The following USP33 variants were observed in gnomAD, a reference collection of about 807,000 sequenced individuals.
USP33 encodes ubiquitin specific peptidase 33, also known as ubiquitin carboxyl-terminal hydrolase 33.
A neutral mutation model predicts 124.2 loss-of-function variants in USP33; 46 were observed. The observed-to-expected ratio is 0.37, with a 90% CI of 0.29 to 0.47. The LOEUF is 0.47. Ranked by LOEUF, USP33 falls within the 20% of genes least tolerant of loss-of-function variation. USP33 has a pLI of 0.99. For missense variants in USP33, 851 were observed against 1,070.6 expected, an observed-to-expected ratio of 0.79 and a Z score of 2.86; for synonymous variants, 350 against 352.3, an observed-to-expected ratio of 0.99 and a Z score of 0.07.
rs1296222934 is a variant in USP33 at position 77,713,255 on chromosome 1, T to C, written c.2242A>G (p.Ile748Val). The change falls in exon 20 of 24, where the codon ATT becomes GTT. Residue 748 changes from isoleucine (I) to valine (V), a missense_variant. By Grantham distance (29) the Ile-to-Val change is conservative. Coordinates refer to ENST00000370794, the MANE Select transcript of USP33 (RefSeq NM_201624.3). ...GGVPPRKAGY[I>V]EDLVLMLPQN... Reference sequence around the variant, plus strand: ...GGCAGCATCAAAACCAGGTCTTCAATATAACCAGCTTTTCTTGGAGGAACA... The same window carrying C: ...GGCAGCATCAAAACCAGGTCTTCAACATAACCAGCTTTTCTTGGAGGAACA... The C allele has an allele frequency of 1.3e-6, 2 of 1,574,320 alleles. No homozygotes were observed. The highest frequency in any genetic ancestry group is 1.7e-6 in the Non-Finnish European group (2 of 1,168,584).
At chr1:77,724,053 C>A (rs1436503407) in intron 11 of USP33, among the ~76,000 whole-genome samples, 2 of 151,892 alleles carry the variant, frequency 1.3e-5, no homozygotes, top group East Asian at 3.9e-4. Context: ...CACAAAACCA[C>A]AAATGCTTCA....
In USP33 at chr1:77,713,300, A is replaced by G. The variant is rs200000638; in HGVS notation, c.2216-19T>C. The G allele has an allele frequency of 1.6e-5, 25 of 1,557,734 alleles. No homozygotes were observed. Among genetic ancestry groups the G allele is most frequent in the African/African-American group, 2.8e-5 (2 of 70,454 alleles). On this transcript the variant is annotated intron_variant, in intron 19 of 23. Transcript: ENST00000370794. Reference sequence around the variant, plus strand: ...GGAACACCTAAAAAAATATATAAACATATCTGTTTCATGCTTTTAATTATA... The same window carrying G: ...GGAACACCTAAAAAAATATATAAACGTATCTGTTTCATGCTTTTAATTATA...
chr1:77,697,982 T>C (rs769646829), intron 22 of USP33, 51 bp from the exon 23 acceptor site: 1 of 1,507,046 alleles, frequency 6.6e-7, no homozygotes, highest in Non-Finnish European at 9.1e-7. Context: ...TAACAAAAAA[T>C]TGCATAATTT....
chr1:77,704,937 C>T (rs1190509483), intron 21 of USP33, among the ~76,000 whole-genome samples: 2 of 152,128 alleles, frequency 1.3e-5, no homozygotes, highest in East Asian at 1.9e-4. Context: ...GGTCATCATC[C>T]GTATCTGTCA....
At chr1:77,698,705 T>C (rs1673683173) in intron 22 of USP33, among the ~76,000 whole-genome samples, 1 of 151,608 alleles carries the variant, frequency 6.6e-6, no homozygotes, top group African/African-American at 2.4e-5. Context: ...TTTCACCGTG[T>C]TAGCCAGGAT....
At chr1:77,731,409 T>C (rs748263201) in intron 7 of USP33, among the ~76,000 whole-genome samples, 1 of 152,208 alleles carries the variant, frequency 6.6e-6, no homozygotes, top group Non-Finnish European at 1.5e-5. Flanking sequence ...TTGATTAGCT[T>C]GAGGGAATCT....
chr1:77,707,588 T>C lies in USP33; in HGVS notation c.2406+4159A>G, dbSNP rs981331478. On this transcript the variant is annotated intron_variant, in intron 21 of 23. Coordinates refer to ENST00000370794, the MANE Select transcript of USP33 (RefSeq NM_201624.3). Reference sequence around the variant, plus strand: ...TTGGGAACCACCATTCAACCCACTATAGGCACCATTTAGTATTTCCATACT... The same window carrying C: ...TTGGGAACCACCATTCAACCCACTACAGGCACCATTTAGTATTTCCATACT... Among the ~76,000 whole-genome samples the C allele has an allele frequency of 4.6e-5, 7 of 152,288 alleles. No individual in the cohort carries two copies. The South Asian group carries it at 6.2e-4, about 14-fold the overall frequency.
In USP33 at chr1:77,759,796, G is replaced by T. The variant is rs367548684; in HGVS notation, c.-205C>A. ...GGCCCCGCAGCGCTGCCCTCGGGGG[G>T]TCCGCCTCCTGAACTGGCCACTTCC... is the stretch of plus-strand genomic sequence containing the variant. On this transcript the variant is annotated 5_prime_UTR_variant, in exon 1 of 24. Coordinates refer to ENST00000370794, the MANE Select transcript of USP33 (RefSeq NM_201624.3). 32 of 397,582 alleles carry T rather than the reference G, an allele frequency of 8.0e-5. No individual in the cohort carries two copies. Among genetic ancestry groups the T allele is most frequent in the African/African-American group, 1.0e-4 (5 of 48,596 alleles). 24.6% of individuals were successfully genotyped at this position (397,582 alleles called of 1,614,324 possible). A position where few individuals can be genotyped will look rare whatever the true frequency, so the allele number is the denominator to read the frequency against.
chr1:77,733,330 C>G (rs1678059431), intron 7 of USP33, among the ~76,000 whole-genome samples: 1 of 151,406 alleles, frequency 6.6e-6, no homozygotes, highest in Non-Finnish European at 1.5e-5. Flanking sequence ...GGAGGCAGAG[C>G]TGCAGTGAGC....
intron 15 of USP33, among the ~76,000 whole-genome samples, chr1:77,720,150 G>A (rs866655945): frequency 1.1e-5 from 1 of 89,578 alleles, no homozygotes; most frequent in South Asian, 4.0e-4. Flanking sequence ...GACAGAATGA[G>A]ACTATGTCTC....
At position 77,728,718 on chromosome 1, in the gene USP33, A is replaced by G. The variant is rs1677444232; in HGVS notation, c.718-6T>C. 4 of 1,609,124 alleles carry G rather than the reference A, an allele frequency of 2.5e-6. No homozygotes were observed. The highest frequency in any genetic ancestry group is 1.1e-5 in the South Asian group (1 of 90,326). ...CGAAGGAATTCTTGAGCATCCTAATATATCAGCAACATAATGTTAACCACT... is the reference window on the plus strand; with the variant it reads ...CGAAGGAATTCTTGAGCATCCTAATGTATCAGCAACATAATGTTAACCACT... On this transcript the variant is annotated splice_region_variant and splice_polypyrimidine_tract_variant and intron_variant, in intron 9 of 23. Transcript: ENST00000370794.
intron 1 of USP33, among the ~76,000 whole-genome samples, chr1:77,757,572 C>G (rs1242454683): frequency 6.6e-6 from 1 of 152,218 alleles, no homozygotes; most frequent in Non-Finnish European, 1.5e-5. Flanking sequence ...CTAAATAGAG[C>G]TGTTACTTAT....
Position 77,701,978 on chromosome 1 carries a change from A to C in USP33, c.2407-507T>G, listed in dbSNP as rs1253413635. On this transcript the variant is annotated intron_variant, in intron 21 of 23. Coordinates refer to ENST00000370794, the MANE Select transcript of USP33 (RefSeq NM_201624.3). ...CCACCACACTCGGCCTACACACACA[A>C]AAAATTTTTTTAATTAGCTGTGTGA... Among the ~76,000 whole-genome samples the C allele has an allele frequency of 2.6e-5, 4 of 151,736 alleles. No individual in the cohort carries two copies. In the East Asian group the frequency reaches 5.8e-4, roughly 22 times the overall value.
At chr1:77,716,386 A>C (rs1675905773) in intron 17 of USP33, among the ~76,000 whole-genome samples, 1 of 152,152 alleles carries the variant, frequency 6.6e-6, no homozygotes, top group South Asian at 2.1e-4. Context: ...ACCCTGACCC[A>C]ATGACGGATG....
At chr1:77,704,965 C>T (rs1674451404) in intron 21 of USP33, among the ~76,000 whole-genome samples, 1 of 152,056 alleles carries the variant, frequency 6.6e-6, no homozygotes, top group Non-Finnish European at 1.5e-5. Flanking sequence ...AATTAAAGCC[C>T]ACACAGTCAT....
At position 77,736,091 on chromosome 1, in the gene USP33, A is replaced by G; in HGVS notation, c.419T>C (p.Ile140Thr). Residue 140 changes from isoleucine (I) to threonine (T), a missense_variant, in exon 6 of 24, where the codon ATA becomes ACA. This residue lies in a region of USP33 where 221 missense variants were observed against 302.9 expected (regional missense o/e 0.73). Coordinates refer to ENST00000370794, the MANE Select transcript of USP33 (RefSeq NM_201624.3). ...PLVAVFDDLD[I>T]EADEEDELRA... Reference sequence around the variant, plus strand: ...AAGTTCATCTTCTTCATCCGCTTCTATATCCAGATCATCAAATACGGCAAC... The same window carrying G: ...AAGTTCATCTTCTTCATCCGCTTCTGTATCCAGATCATCAAATACGGCAAC... 2 of 1,613,232 alleles carry G rather than the reference A, an allele frequency of 1.2e-6. No homozygotes were observed. The highest frequency in any genetic ancestry group is 1.7e-6 in the Non-Finnish European group (2 of 1,179,574).
intron 10 of USP33, among the ~76,000 whole-genome samples, chr1:77,727,496 T>C (rs1352280041): frequency 2.0e-5 from 3 of 152,226 alleles, no homozygotes; most frequent in Non-Finnish European, 4.4e-5. Context: ...GTCTTCCCGA[T>C]TAGAAAGCAT....
intron 19 of USP33, among the ~76,000 whole-genome samples, chr1:77,713,676 C>A (rs1269350752): frequency 6.7e-6 from 1 of 150,318 alleles, no homozygotes; most frequent in Non-Finnish European, 1.5e-5. Context: ...AGCTTAGAGG[C>A]ATGAGCCATT....
chr1:77,720,807 C>T (rs533172890), intron 15 of USP33, among the ~76,000 whole-genome samples: 7 of 152,230 alleles, frequency 4.6e-5, no homozygotes, highest in Non-Finnish European at 7.4e-5. Flanking sequence ...ACATCGAAGT[C>T]GGTATAACCT....
Sources: allele counts gnomAD v4.1 joint callset (sites outside exome capture counted in the v4.1 genomes callset), GRCh38; gene constraint gnomAD v4.1.1; regional missense constraint gnomAD v4.1.1; transcripts MANE v1.5; gene names NCBI Gene and HGNC (gene_info 2026-07-23, HGNC 2026-07-21).